PGBD5: variants seen among roughly 807,000 people sequenced by gnomAD.
PGBD5 encodes the protein piggyBac transposable element-derived protein 5.
In PGBD5, 14 loss-of-function variants were observed where a neutral mutation model predicts 47.9. That is an observed-to-expected ratio of 0.29 (90% CI 0.19 to 0.46). The LOEUF (loss-of-function observed/expected upper bound fraction) is 0.46, where lower values mean the gene tolerates loss of function less well. Among genes scored for constraint, PGBD5 ranks in the 20% least tolerant of loss-of-function variants. The pLI is 1.00. For synonymous variants in PGBD5, 316 were observed against 306.3 expected, an observed-to-expected ratio of 1.03 and a Z score of -0.33; for missense variants, 635 against 716.0, an observed-to-expected ratio of 0.89 and a Z score of 1.29.
At position 230,337,113 on chromosome 1, in the gene PGBD5, T is replaced by C. The variant is rs1423857056; in HGVS notation, c.1070A>G (p.Lys357Arg). 3 of 1,613,632 alleles carry C rather than the reference T, an allele frequency of 1.9e-6. No individual in the cohort carries two copies. The highest frequency in any genetic ancestry group is 2.5e-6 in the Non-Finnish European group (3 of 1,179,756). Reference protein sequence around the residue: ...TSLTLFEEFEKQGIYCCGLLR... With the variant: ...TSLTLFEEFERQGIYCCGLLR... ...TGGCTCCCCACTTGACTAACCTTGC[T>C]TCTCAAACTCTTCAAACAGCGTCAG... The change falls in exon 4 of 7, where the codon AAG becomes AGG. Residue 357 changes from lysine (K) to arginine (R), a missense_variant. By Grantham distance (26) the Lys-to-Arg change is conservative (BLOSUM62 2). Coordinates refer to ENST00000391860, the MANE Select transcript of PGBD5 (RefSeq NM_001258311.2).
intron 2 of PGBD5, among the ~76,000 whole-genome samples, chr1:230,355,643 G>A (rs1311922808): frequency 6.6e-6 from 1 of 152,202 alleles, no homozygotes; most frequent in African/African-American, 2.4e-5. Context: ...ATGACACACT[G>A]GAGGATGAGG....
At chr1:230,395,208 C>A (rs565825603) in intron 1 of PGBD5, among the ~76,000 whole-genome samples, 37 of 39,538 alleles carry the variant, frequency 9.4e-4, no homozygotes, top group African/African-American at 4.0e-3. Flanking sequence ...CTCCTCTCTC[C>A]CTCCCTCCTC....
intron 4 of PGBD5, among the ~76,000 whole-genome samples, chr1:230,333,288 T>C (rs1181796025): frequency 1.3e-5 from 2 of 152,238 alleles, no homozygotes; most frequent in African/African-American, 2.4e-5. Flanking sequence ...ATGCTAAGAC[T>C]GCATGTAGGG....
At chr1:230,390,503 TG>T (rs950584634) in intron 1 of PGBD5, among the ~76,000 whole-genome samples, 4 of 152,092 alleles carry the variant, frequency 2.6e-5, no homozygotes, top group African/African-American at 9.7e-5. Context: ...GTGTTACTGG[TG>T]GGCTTTCAAA....
chr1:230,417,538 G>A (rs578039907), intron 1 of PGBD5, among the ~76,000 whole-genome samples: 49 of 152,226 alleles, frequency 3.2e-4, no homozygotes, highest in African/African-American at 4.6e-4. Context: ...GACTGCCCAC[G>A]GGCAAAATGG....
intron 1 of PGBD5, among the ~76,000 whole-genome samples, chr1:230,383,506 A>G (rs778923195): frequency 2.0e-5 from 3 of 152,036 alleles, no homozygotes; most frequent in East Asian, 1.9e-4. Context: ...CTGGGATTAT[A>G]GGTGCACCAC....
Position 230,362,144 on chromosome 1 carries a change from C to G in PGBD5, c.332-4823G>C. On this transcript the variant is annotated intron_variant, in intron 1 of 6. Transcript: ENST00000391860. The stretch of plus-strand genomic sequence containing the variant: ...AGCCAGTGAAGGGCTGTGAGCACCA[C>G]GTGACCATGCTCTTGCAACTTCAGC... 3 of 1,188,540 alleles carry G rather than the reference C, an allele frequency of 2.5e-6. No individual in the cohort carries two copies. The East Asian group carries it at 1.8e-4, about 70-fold the overall frequency. 73.6% of individuals were successfully genotyped at this position (1,188,540 alleles called of 1,614,324 possible). A position where few individuals can be genotyped will look rare whatever the true frequency, so the allele number is the denominator to read the frequency against.
In PGBD5 at chr1:230,315,903, CAT is replaced by C. The variant is rs547031189; in HGVS notation, c.*7520_*7521del. ...GGATACATACATATTTATGTGTACA[CAT>C]ATATGTATATGTGTATATGTGTACA... On this transcript the variant is annotated 3_prime_UTR_variant, in exon 7 of 7. Coordinates refer to ENST00000391860, the MANE Select transcript of PGBD5 (RefSeq NM_001258311.2). The C allele has an allele frequency of 4.3e-4, 53 of 122,438 alleles. 3 individuals carry two copies. Among genetic ancestry groups the C allele is most frequent in the South Asian group, 1.1e-3 (4 of 3,688 alleles). The allele number at this position is 122,438 out of a possible 1,614,324, so 7.6% of individuals were successfully genotyped here.
At chr1:230,347,197 C>A (rs1242541821) in intron 3 of PGBD5, among the ~76,000 whole-genome samples, 2 of 152,116 alleles carry the variant, frequency 1.3e-5, no homozygotes, top group African/African-American at 4.8e-5. Context: ...GAGGAAGCCC[C>A]CTGTAGTAGC....
chr1:230,367,385 A>T (rs1156573824), intron 1 of PGBD5, among the ~76,000 whole-genome samples: 1 of 152,166 alleles, frequency 6.6e-6, no homozygotes, highest in African/African-American at 2.4e-5. Context: ...GTCACCAGCC[A>T]TGTAGGGAGC....
intron 1 of PGBD5, among the ~76,000 whole-genome samples, chr1:230,385,114 C>T (rs1423941808): frequency 1.3e-5 from 2 of 152,186 alleles, no homozygotes; most frequent in Middle Eastern, 3.4e-3. Flanking sequence ...ATATTCACAC[C>T]CAGCGTTGGG....
intron 1 of PGBD5, among the ~76,000 whole-genome samples, chr1:230,389,455 G>A (rs1407400339): frequency 1.3e-5 from 2 of 152,222 alleles, no homozygotes; most frequent in East Asian, 1.9e-4. Context: ...TTACAGGCTT[G>A]AGCCACCACG....
Position 230,392,609 on chromosome 1 carries a change from G to A in PGBD5, c.331+32989C>T, listed in dbSNP as rs552612974. ...GCCTCCTCCGGACTCTCCTCCTTCC[G>A]GGGCTCCTTGCAAGCGTGTCCTTCA... On this transcript the variant is annotated intron_variant, in intron 1 of 6. Coordinates refer to ENST00000391860, the MANE Select transcript of PGBD5 (RefSeq NM_001258311.2). Among the ~76,000 whole-genome samples, 55 of 152,226 alleles carry A rather than the reference G, an allele frequency of 3.6e-4. No individual in the cohort carries two copies. In the South Asian group the frequency reaches 9.4e-3, roughly 26 times the overall value.
At chr1:230,384,987 C>G (rs537124712) in intron 1 of PGBD5, among the ~76,000 whole-genome samples, 1 of 152,256 alleles carries the variant, frequency 6.6e-6, no homozygotes, top group East Asian at 1.9e-4. Context: ...TTTTAATCAT[C>G]GAACTCAACT....
chr1:230,345,488 C>T (rs573855177), intron 3 of PGBD5, among the ~76,000 whole-genome samples: 2 of 152,350 alleles, frequency 1.3e-5, no homozygotes, highest in South Asian at 4.1e-4. Context: ...CTCACAAGCC[C>T]TCTGCAAACA....
chr1:230,406,146 A>C (rs1386715453), intron 1 of PGBD5, among the ~76,000 whole-genome samples: 1 of 151,904 alleles, frequency 6.6e-6, no homozygotes, highest in African/African-American at 2.4e-5. Context: ...ATCTCTACTA[A>C]AAATACAAAA....
At chr1:230,373,790 C>A (rs1444431205) in intron 1 of PGBD5, among the ~76,000 whole-genome samples, 1 of 152,084 alleles carries the variant, frequency 6.6e-6, no homozygotes, top group Non-Finnish European at 1.5e-5. Flanking sequence ...AACTCCGGGG[C>A]TCTAGCAATT....
intron 1 of PGBD5, among the ~76,000 whole-genome samples, chr1:230,394,289 C>G (rs1656868845): frequency 6.6e-6 from 1 of 151,752 alleles, no homozygotes; most frequent in African/African-American, 2.4e-5. Context: ...TCCACAGGGA[C>G]CAACTCTGAC....
At chr1:230,403,235 C>T (rs573035084) in intron 1 of PGBD5, among the ~76,000 whole-genome samples, 3 of 152,320 alleles carry the variant, frequency 2.0e-5, no homozygotes, top group South Asian at 4.1e-4. Flanking sequence ...AATCTCCCAA[C>T]GTCTGTTTCA....
Sources: allele counts gnomAD v4.1 joint callset (sites outside exome capture counted in the v4.1 genomes callset), GRCh38; gene constraint gnomAD v4.1.1; transcripts MANE v1.5; gene names NCBI Gene and HGNC (gene_info 2026-07-23, HGNC 2026-07-21).